Variants in ZNF331 observed in about 807,000 individuals in gnomAD.
ZNF331 encodes the protein zinc finger protein 331.
Under a neutral mutation model 7.0 loss-of-function variants are expected in ZNF331, and 2 were observed. The observed-to-expected ratio is 0.29, with a 90% confidence interval of 0.12 to 0.90. The LOEUF is 0.90. ZNF331 is among the 40% of genes least tolerant of loss of function. ZNF331 has a pLI of 0.58. For missense variants in ZNF331, 432 were observed against 587.7 expected, an observed-to-expected ratio of 0.74 and a Z score of 2.74; for synonymous variants, 196 against 205.4, an observed-to-expected ratio of 0.95 and a Z score of 0.39.
chr19:53,579,257 T>C lies in ZNF331; in HGVS notation c.*1305T>C, dbSNP rs2090842361. On this transcript the variant is annotated 3_prime_UTR_variant, in exon 6 of 6. Transcript: ENST00000449416. Reference sequence around the variant, plus strand: ...TACATAAAGACTACCAGTACCATTCTGTCTTTACTCCGTGGCATCTGTGGA... The same window carrying C: ...TACATAAAGACTACCAGTACCATTCCGTCTTTACTCCGTGGCATCTGTGGA... 1 of 215,576 alleles carries C rather than the reference T, an allele frequency of 4.6e-6. No individual in the cohort carries two copies. Among genetic ancestry groups the C allele is most frequent in the Non-Finnish European group, 9.4e-6 (1 of 106,746 alleles). The allele number at this position is 215,576 out of a possible 1,614,324, so 13.4% of individuals were successfully genotyped here. A position where few individuals can be genotyped will look rare whatever the true frequency, so the allele number is the denominator to read the frequency against.
chr19:53,544,920 G>T (rs2147361181), intron 2 of ZNF331, among the ~76,000 whole-genome samples: 1 of 152,144 alleles, frequency 6.6e-6, no homozygotes, highest in South Asian at 2.1e-4. Flanking sequence ...TTTTAGTAGA[G>T]ACGGGGTTTC....
At chr19:53,525,868 T>C (rs767133823) in intron 2 of ZNF331, among the ~76,000 whole-genome samples, 2 of 152,270 alleles carry the variant, frequency 1.3e-5, no homozygotes, top group Non-Finnish European at 2.9e-5. Flanking sequence ...GTCTTGTTCC[T>C]GATATTTCAA....
the ZNF331 span, among the ~76,000 whole-genome samples, chr19:53,510,431 CTTTTTTTT>C: frequency 7.2e-6 from 1 of 137,938 alleles, no homozygotes. Flanking sequence ...GAAACTTGAA[CTTTTTTTT>C]TTTTTTTTTT....
the ZNF331 span, among the ~76,000 whole-genome samples, chr19:53,506,154 G>T: frequency 4.0e-5 from 6 of 150,154 alleles, no homozygotes; most frequent in South Asian, 4.2e-4. Context: ...CCCAACATGG[G>T]GAAACCCTGT....
At chr19:53,513,019 T>C in the ZNF331 span, among the ~76,000 whole-genome samples, 1 of 151,886 alleles carries the variant, frequency 6.6e-6, no homozygotes, top group Non-Finnish European at 1.5e-5. Context: ...CCACGGACCA[T>C]GCTCCGGAGT....
At chr19:53,572,910 C>T (rs1006630756) in intron 5 of ZNF331, among the ~76,000 whole-genome samples, 1 of 152,026 alleles carries the variant, frequency 6.6e-6, no homozygotes, top group Non-Finnish European at 1.5e-5. Flanking sequence ...ATAATGCCTA[C>T]AGAAATTTAA....
In ZNF331 at chr19:53,560,150, T is replaced by C. The variant is rs540504808; in HGVS notation, c.-74+4242T>C. Among the ~76,000 whole-genome samples the C allele has an allele frequency of 1.4e-5, 2 of 140,980 alleles. No individual in the cohort carries two copies. Among genetic ancestry groups the C allele is most frequent in the East Asian group, 4.0e-4 (2 of 5,048 alleles). The allele number at this position is 140,980 out of a possible 152,430, so 92.5% of individuals were successfully genotyped here. A position where few individuals can be genotyped will look rare whatever the true frequency, so the allele number is the denominator to read the frequency against. On this transcript the variant is annotated intron_variant, in intron 3 of 5. Transcript: ENST00000449416. This position sits in a 1 kb window ranked among gnomAD's most constrained non-coding sequence, Gnocchi z 4.3. ...CACACACCATATATATACACACATA[T>C]ATACACATCCACACCATATATACAC...
chr19:53,516,192 C>T (rs1398809461), upstream of ZNF331, among the ~76,000 whole-genome samples: 1 of 152,084 alleles, frequency 6.6e-6, no homozygotes, highest in Non-Finnish European at 1.5e-5. Flanking sequence ...GGCTCACACC[C>T]ATAACGCCAG....
chr19:53,524,008 G>A (rs1398810900), intron 2 of ZNF331, among the ~76,000 whole-genome samples: 1 of 152,194 alleles, frequency 6.6e-6, no homozygotes, highest in Non-Finnish European at 1.5e-5. Context: ...GTGAGAACAT[G>A]CGGTGTTTGG....
chr19:53,553,609 AAGT>A (rs10598194), intron 2 of ZNF331, among the ~76,000 whole-genome samples: 21,436 of 152,128 alleles, frequency 0.14, 4,951 homozygotes, highest in African/African-American at 0.48. Context: ...GACTGTGGTT[AAGT>A]AGTACCTGCA....
At chr19:53,513,419 A>G in the ZNF331 span, among the ~76,000 whole-genome samples, 1 of 152,192 alleles carries the variant, frequency 6.6e-6, no homozygotes, top group Non-Finnish European at 1.5e-5. Context: ...ATTAAATTAT[A>G]ACTTGTAAGG....
chr19:53,569,251 A>T, intron 3 of ZNF331, 53 bp from the exon 4 acceptor site: 1 of 978,780 alleles, frequency 1.0e-6, no homozygotes, highest in Non-Finnish European at 1.6e-6. Context: ...ATATTACATC[A>T]CTATGGGGAC....
At chr19:53,526,419 G>T (rs2087294906) in intron 2 of ZNF331, among the ~76,000 whole-genome samples, 1 of 152,006 alleles carries the variant, frequency 6.6e-6, no homozygotes, top group African/African-American at 2.4e-5. Context: ...GATATTTATT[G>T]CTTATTCAAC....
chr19:53,557,818 G>T (rs572508279), intron 3 of ZNF331, among the ~76,000 whole-genome samples: 1 of 152,178 alleles, frequency 6.6e-6, no homozygotes, highest in African/African-American at 2.4e-5. Context: ...ACAAAAATTA[G>T]CTGGGTGTGG....
At chr19:53,540,280 G>A (rs987933339) in intron 2 of ZNF331, among the ~76,000 whole-genome samples, 1 of 152,140 alleles carries the variant, frequency 6.6e-6, no homozygotes, top group African/African-American at 2.4e-5. Context: ...TGAGAAGAGG[G>A]TACCAGCATG....
At chr19:53,546,870 TC>T (rs986070916) in intron 2 of ZNF331, among the ~76,000 whole-genome samples, 1 of 152,220 alleles carries the variant, frequency 6.6e-6, no homozygotes, top group African/African-American at 2.4e-5. Flanking sequence ...CTTCTGTTTT[TC>T]TTCAGTTCCC....
At chr19:53,566,942 CCT>C (rs768062314) in intron 3 of ZNF331, among the ~76,000 whole-genome samples, 18 of 151,870 alleles carry the variant, frequency 1.2e-4, no homozygotes, top group Admixed American at 5.3e-4. Flanking sequence ...TCCTCCTCTC[CCT>C]CTCTCTCCAT....
At chr19:53,566,060 A>G (rs1350748614) in intron 3 of ZNF331, among the ~76,000 whole-genome samples, 2 of 152,126 alleles carry the variant, frequency 1.3e-5, no homozygotes, top group Non-Finnish European at 2.9e-5. Context: ...AGGACTCACC[A>G]TCTAGACCTA....
chr19:53,542,054 T>C (rs189238195), intron 2 of ZNF331, among the ~76,000 whole-genome samples: 4 of 152,210 alleles, frequency 2.6e-5, no homozygotes, highest in Non-Finnish European at 4.4e-5. Flanking sequence ...TTTCTAGGCC[T>C]CTTCTTTGCC....
Sources: gnomAD v4.1 joint callset for allele counts (sites outside exome capture counted in the v4.1 genomes callset) on GRCh38, gnomAD v4.1.1 for gene constraint, Gnocchi (gnomAD v3.1) non-coding constraint, MANE v1.5 for transcripts, NCBI Gene and HGNC (gene_info 2026-07-23, HGNC 2026-07-21) for gene names.